Variants in GSE1 observed in about 807,000 individuals in gnomAD.
GSE1 encodes the protein Gse1 coiled-coil protein.
In GSE1, 32 loss-of-function variants were observed where a neutral mutation model predicts 112.6. The observed-to-expected ratio is 0.28, with a 90% CI of 0.21 to 0.38. The LOEUF (loss-of-function observed/expected upper bound fraction) is 0.38, where lower values mean the gene tolerates loss of function less well. Ranked by LOEUF, GSE1 falls within the 10% of genes least tolerant of loss-of-function variation. The pLI is 1.00. For synonymous variants in GSE1, 1,115 were observed against 735.6 expected, an observed-to-expected ratio of 1.52 and a Z score of -8.35; for missense variants, 2,348 against 1,699.2, an observed-to-expected ratio of 1.38 and a Z score of -6.71.
intron 1 of GSE1, among the ~76,000 whole-genome samples, chr16:85,566,146 AC>A (rs1167972709): frequency 6.6e-6 from 1 of 152,104 alleles, no homozygotes; most frequent in Non-Finnish European, 1.5e-5. Context: ...AGCTGCAATT[AC>A]CATTTGGGTT....
intron 1 of GSE1, among the ~76,000 whole-genome samples, chr16:85,627,617 C>G (rs554588266): frequency 6.6e-6 from 1 of 152,084 alleles, no homozygotes; most frequent in Non-Finnish European, 1.5e-5. Context: ...GGCTCGTTTT[C>G]GCCTGCTGAG....
At chr16:85,524,842 C>T (rs1174085516) in intron 2 of GSE1, among the ~76,000 whole-genome samples, 1 of 152,128 alleles carries the variant, frequency 6.6e-6, no homozygotes, top group Non-Finnish European at 1.5e-5. Flanking sequence ...GGTCCATGGT[C>T]CTGGGCTTGT....
chr16:85,649,932 C>T (rs958646311), intron 3 of GSE1, among the ~76,000 whole-genome samples: 16 of 152,152 alleles, frequency 1.1e-4, no homozygotes, highest in South Asian at 2.1e-4. Flanking sequence ...TGACAGCCCC[C>T]GGGCAGGCCC....
intron 1 of GSE1, among the ~76,000 whole-genome samples, chr16:85,228,658 C>T (rs535781891): frequency 6.6e-5 from 10 of 152,318 alleles, no homozygotes; most frequent in Middle Eastern, 3.4e-3. Flanking sequence ...TTTTCCAGGC[C>T]CCACGAGAAT....
At chr16:85,187,994 C>T (rs2074742411) in intron 1 of GSE1, among the ~76,000 whole-genome samples, 1 of 152,246 alleles carries the variant, frequency 6.6e-6, no homozygotes, top group Non-Finnish European at 1.5e-5. Context: ...CCCCTGCTCC[C>T]AGACTCCTGG....
chr16:85,450,117 C>CTTTTTTTTTTTTTTTT (rs59854597), intron 2 of GSE1, among the ~76,000 whole-genome samples: 2 of 79,506 alleles, frequency 2.5e-5, no homozygotes, highest in Non-Finnish European at 4.4e-5. Flanking sequence ...AGGCAGCTGA[C>CTTTTTTTTTTTTTTTT]TTTTTTTTTT....
chr16:85,196,135 A>G lies in GSE1; in HGVS notation c.2283+24328A>G, dbSNP rs183038047. On this transcript the variant is annotated intron_variant, in intron 1 of 2. Coordinates refer to the GSE1 transcript ENST00000637419. The stretch of plus-strand genomic sequence containing the variant: ...GCAGGGCAGTTTTTGCTGCCAAACG[A>G]GTTAAGAAAAACGTATGGTTTCCAG... 5.3e-3 allele frequency among the ~76,000 whole-genome samples: 806 copies of G among 152,292 alleles called. 5 individuals carry two copies. Among genetic ancestry groups the G allele is most frequent in the African/African-American group, 0.019 (772 of 41,562 alleles).
Position 85,613,331 on chromosome 16 carries a change from A to C in GSE1, c.-61A>C, listed in dbSNP as rs991202775. The C allele has an allele frequency of 1.3e-6, 2 of 1,556,056 alleles. No homozygotes were observed. The highest frequency in any genetic ancestry group is 1.7e-6 in the Non-Finnish European group (2 of 1,150,360). On this transcript the variant is annotated 5_prime_UTR_variant, in exon 1 of 16. Coordinates refer to ENST00000253458, the MANE Select transcript of GSE1 (RefSeq NM_014615.5). ...CCCGGGTGAGATAAGCAGTTTAGAC[A>C]AACACTGGGCGACGGTGGCTCCAGC...
chr16:85,519,153 C>T (rs866014593), intron 2 of GSE1, among the ~76,000 whole-genome samples: 1 of 151,414 alleles, frequency 6.6e-6, no homozygotes, highest in Admixed American at 6.6e-5. Flanking sequence ...AAGTGTGGGA[C>T]CACTTAGGTT....
intron 2 of GSE1, among the ~76,000 whole-genome samples, chr16:85,535,188 G>A (rs1439405451): frequency 6.6e-6 from 1 of 152,230 alleles, no homozygotes; most frequent in African/African-American, 2.4e-5. Context: ...GCATGAGGAA[G>A]GCTTGCCCTG....
chr16:85,430,909 C>T (rs939173874), intron 2 of GSE1, among the ~76,000 whole-genome samples: 6 of 152,200 alleles, frequency 3.9e-5, no homozygotes, highest in East Asian at 1.9e-4. Flanking sequence ...TGGGAGCCTG[C>T]GTTCCCACCC....
chr16:85,317,576 G>A (rs1227342891), intron 1 of GSE1, among the ~76,000 whole-genome samples: 4 of 151,924 alleles, frequency 2.6e-5, no homozygotes, highest in Non-Finnish European at 4.4e-5. Flanking sequence ...GCATCCATGC[G>A]CCCTGCACAG....
chr16:85,634,158 T>G, intron 2 of GSE1, 26 bp downstream of exon 2: 6 of 1,392,736 alleles, frequency 4.3e-6, no homozygotes, highest in Non-Finnish European at 5.6e-6. Flanking sequence ...AGGCTGCGCG[T>G]GGGGGGAGCG....
intron 2 of GSE1, among the ~76,000 whole-genome samples, chr16:85,457,386 C>T (rs979086433): frequency 6.6e-6 from 1 of 152,214 alleles, no homozygotes; most frequent in Admixed American, 6.5e-5. Context: ...TGAGTCCCAG[C>T]ATTTGCCCAC....
intron 1 of GSE1, among the ~76,000 whole-genome samples, chr16:85,597,130 C>T (rs534396914): frequency 1.3e-5 from 2 of 151,976 alleles, no homozygotes; most frequent in South Asian, 4.2e-4. Context: ...AGGCGCCCGC[C>T]ACCATGCCCG....
At chr16:85,626,914 G>C (rs2049117747) in intron 1 of GSE1, among the ~76,000 whole-genome samples, 1 of 151,998 alleles carries the variant, frequency 6.6e-6, no homozygotes, top group Non-Finnish European at 1.5e-5. Flanking sequence ...GGAGCGTTTG[G>C]ACAGCAGGCA....
At chr16:85,667,748 A>T (rs1305383408) in intron 13 of GSE1, among the ~76,000 whole-genome samples, 1 of 152,072 alleles carries the variant, frequency 6.6e-6, no homozygotes, top group African/African-American at 2.4e-5. Context: ...AATTCCAGCC[A>T]CTCCGGAGGC....
chr16:85,468,083 C>T (rs879288658), intron 2 of GSE1, among the ~76,000 whole-genome samples: 1 of 152,162 alleles, frequency 6.6e-6, no homozygotes, highest in Non-Finnish European at 1.5e-5. Flanking sequence ...TCCCAAGAGC[C>T]ACAGCCCACC....
intron 2 of GSE1, among the ~76,000 whole-genome samples, chr16:85,514,823 C>T (rs997874305): frequency 6.6e-6 from 1 of 152,156 alleles, no homozygotes; most frequent in African/African-American, 2.4e-5. Context: ...TCTCCCTGTC[C>T]CTGCAGGGAT....
Sources: gnomAD v4.1 joint callset for allele counts (sites outside exome capture counted in the v4.1 genomes callset) on GRCh38, gnomAD v4.1.1 for gene constraint, MANE v1.5 for transcripts, NCBI Gene and HGNC (gene_info 2026-07-23, HGNC 2026-07-21) for gene names.